NLGN4X: variants seen among roughly 807,000 people sequenced by gnomAD.
NLGN4X encodes the protein neuroligin 4 X-linked.
NLGN4X carries 3 observed loss-of-function variants against 40.3 expected under a neutral mutation model. The observed-to-expected ratio is 0.07, with a 90% CI of 0.03 to 0.19. The LOEUF (loss-of-function observed/expected upper bound fraction) is 0.19, where lower values mean the gene tolerates loss of function less well. Ranked by LOEUF, NLGN4X falls within the 10% of genes least tolerant of loss-of-function variation. NLGN4X has a pLI of 1.00. For synonymous variants in NLGN4X, 270 were observed against 306.8 expected, an observed-to-expected ratio of 0.88 and a Z score of 1.25; for missense variants, 382 against 708.3, an observed-to-expected ratio of 0.54 and a Z score of 5.23.
Position 5,891,376 on chromosome X carries a change from G to T in NLGN4X, c.*1441C>A. 1 of 218,147 alleles carries T rather than the reference G, an allele frequency of 4.6e-6. No homozygotes were observed. Among genetic ancestry groups the T allele is most frequent in the Non-Finnish European group, 8.4e-6 (1 of 119,730 alleles). The allele number at this position is 218,147 out of a possible 1,213,427, so 18.0% of individuals were successfully genotyped here. A position where few individuals can be genotyped will look rare whatever the true frequency, so the allele number is the denominator to read the frequency against. ...AAATCCACAAAAAGTGATGTTTTCA[G>T]ACAATCATATGTTTGATCCCATAAA... On this transcript the variant is annotated 3_prime_UTR_variant, in exon 6 of 6. Transcript: ENST00000381095.
At position 5,979,754 on chromosome X, in the gene NLGN4X, A is replaced by G. The variant is rs866079267; in HGVS notation, c.625+49526T>C. Among the ~76,000 whole-genome samples the G allele has an allele frequency of 2.9e-3, 290 of 98,402 alleles. 17 individuals carry two copies. Among genetic ancestry groups the G allele is most frequent in the Admixed American group, 0.013 (115 of 8,881 alleles). 85.5% of individuals were successfully genotyped at this position (98,402 alleles called of 115,157 possible). A position where few individuals can be genotyped will look rare whatever the true frequency, so the allele number is the denominator to read the frequency against. On this transcript the variant is annotated intron_variant, in intron 3 of 5. Transcript: ENST00000381095. ...TGTATATATACACACATACATATATATGTGTATATATACACACATACATAT... is the reference window on the plus strand; with the variant it reads ...TGTATATATACACACATACATATATGTGTGTATATATACACACATACATAT...
intron 3 of NLGN4X, among the ~76,000 whole-genome samples, chrX:5,927,298 T>C (rs2033370344): frequency 8.9e-6 from 1 of 111,829 alleles, no homozygotes; most frequent in South Asian, 3.7e-4. Context: ...GAAAATGCAG[T>C]CACAGGACTG....
At chrX:5,997,524 A>G (rs1454764161) in intron 3 of NLGN4X, among the ~76,000 whole-genome samples, 3 of 106,698 alleles carry the variant, frequency 2.8e-5, no homozygotes, top group Non-Finnish European at 5.8e-5. Context: ...CATTTATAAT[A>G]CAAAAATTTA....
intron 3 of NLGN4X, among the ~76,000 whole-genome samples, chrX:5,957,631 G>A (rs142779237): frequency 8.9e-6 from 1 of 111,913 alleles, no homozygotes; most frequent in East Asian, 2.8e-4. Flanking sequence ...AAGTAAAATT[G>A]CAGGACTTGC....
At chrX:5,899,938 G>A (rs1440671526) in intron 5 of NLGN4X, among the ~76,000 whole-genome samples, 1 of 112,220 alleles carries the variant, frequency 8.9e-6, no homozygotes, top group East Asian at 2.8e-4. Flanking sequence ...TAAGTAAAGA[G>A]AGTGTTTGCA....
At chrX:6,184,543 G>C (rs772593941) in intron 1 of NLGN4X, among the ~76,000 whole-genome samples, 39 of 107,516 alleles carry the variant, frequency 3.6e-4, no homozygotes, top group Non-Finnish European at 6.9e-4. Context: ...CAAATGCTGG[G>C]GGGGGTGGGG....
chrX:6,005,487 A>T (rs1025760997), intron 3 of NLGN4X, among the ~76,000 whole-genome samples: 13 of 111,181 alleles, frequency 1.2e-4, no homozygotes, highest in Non-Finnish European at 2.1e-4. Context: ...ATCAACACAC[A>T]GCCCTGGGTT....
chrX:6,200,050 A>C (rs948806262), intron 1 of NLGN4X, among the ~76,000 whole-genome samples: 1 of 112,061 alleles, frequency 8.9e-6, no homozygotes, highest in Admixed American at 9.5e-5. Context: ...TTTACCAGGC[A>C]ACATTTGATT....
At chrX:6,048,200 T>C (rs2037377776) in intron 2 of NLGN4X, among the ~76,000 whole-genome samples, 1 of 112,029 alleles carries the variant, frequency 8.9e-6, no homozygotes, top group Non-Finnish European at 1.9e-5. Flanking sequence ...CGAGACGCAG[T>C]TGATAATGGA....
At chrX:5,916,022 C>T (rs1380231220) in intron 3 of NLGN4X, among the ~76,000 whole-genome samples, 1 of 111,665 alleles carries the variant, frequency 9.0e-6, no homozygotes, top group Non-Finnish European at 1.9e-5. Context: ...CCAGGACCTG[C>T]TCATTTGGGT....
At chrX:6,109,661 C>G (rs2039103853) in intron 2 of NLGN4X, among the ~76,000 whole-genome samples, 1 of 111,850 alleles carries the variant, frequency 8.9e-6, no homozygotes, top group Admixed American at 9.5e-5. Flanking sequence ...CTTACAAACC[C>G]AGACCTTCCA....
At chrX:6,036,563 C>T (rs1237663102) in intron 2 of NLGN4X, among the ~76,000 whole-genome samples, 13 of 107,864 alleles carry the variant, frequency 1.2e-4, no homozygotes, top group Non-Finnish European at 7.7e-5. Context: ...TCAGGAAAAA[C>T]AATTTGTCTA....
chrX:5,903,636 C>T lies in NLGN4X; in HGVS notation c.1042G>A (p.Val348Ile), dbSNP rs377185787. The change falls in exon 5 of 6, where the codon GTC (valine) becomes ATC (isoleucine). Residue 348 changes from valine to isoleucine, a missense_variant. Transcript: ENST00000381095. ...IAFGPVIDGDVIPDDPQILME... is the reference protein window; with the variant it reads ...IAFGPVIDGDIIPDDPQILME... ...AGGATCTGGGGGTCGTCTGGGATGACGTCGCCGTCGATCACCGGCCCGAAG... is the reference window on the plus strand; with the variant it reads ...AGGATCTGGGGGTCGTCTGGGATGATGTCGCCGTCGATCACCGGCCCGAAG... 2.0e-5 allele frequency: 24 copies of T among 1,209,464 alleles called. No homozygotes were observed. The African/African-American group carries it at 2.6e-4, about 13-fold the overall frequency.
At chrX:5,969,408 A>C (rs776411569) in intron 3 of NLGN4X, among the ~76,000 whole-genome samples, 35 of 111,963 alleles carry the variant, frequency 3.1e-4, no homozygotes, top group African/African-American at 1.1e-3. Context: ...ATGCAGCCAA[A>C]AGACACATGA....
At chrX:6,208,976 C>T (rs1031486423) in intron 1 of NLGN4X, among the ~76,000 whole-genome samples, 15 of 112,286 alleles carry the variant, frequency 1.3e-4, no homozygotes, top group African/African-American at 4.9e-4. Context: ...ATATGGAATC[C>T]AGCTAGGCAT....
At chrX:6,199,474 G>A (rs1184909698) in intron 1 of NLGN4X, among the ~76,000 whole-genome samples, 1 of 111,544 alleles carries the variant, frequency 9.0e-6, no homozygotes, top group African/African-American at 3.3e-5. Context: ...CCACAATTCT[G>A]ATAAACTCTC....
chrX:6,184,257 T>A (rs1443157686), intron 1 of NLGN4X, among the ~76,000 whole-genome samples: 1 of 112,219 alleles, frequency 8.9e-6, no homozygotes, highest in East Asian at 2.8e-4. Flanking sequence ...GGACACAGTG[T>A]GCTGTTCTTT....
chrX:6,129,490 T>C (rs776345178), intron 2 of NLGN4X, among the ~76,000 whole-genome samples: 1 of 112,019 alleles, frequency 8.9e-6, no homozygotes, highest in Admixed American at 9.5e-5. Flanking sequence ...TGATGCTTGA[T>C]TTTGCCTTGT....
chrX:6,130,091 G>T (rs1011151024), intron 2 of NLGN4X, among the ~76,000 whole-genome samples: 42 of 109,733 alleles, frequency 3.8e-4, no homozygotes, highest in Non-Finnish European at 1.7e-4. Flanking sequence ...GTCTCGCTAT[G>T]TTGCCCAGGC....
Sources: allele counts gnomAD v4.1 joint callset (sites outside exome capture counted in the v4.1 genomes callset), GRCh38; gene constraint gnomAD v4.1.1; transcripts MANE v1.5; gene names NCBI Gene and HGNC (gene_info 2026-07-23, HGNC 2026-07-21).